The following ZBTB38 variants were observed in gnomAD, a reference collection of about 807,000 sequenced individuals.
ZBTB38 encodes zinc finger and BTB domain-containing protein 38.
ZBTB38 carries 20 observed loss-of-function variants against 76.8 expected under a neutral mutation model. The ratio of observed to expected loss-of-function variants is 0.26; its 90% CI spans 0.18 to 0.38. ZBTB38 has a LOEUF of 0.38. Among genes scored for constraint, ZBTB38 ranks in the 10% least tolerant of loss-of-function variants. The pLI, the probability that ZBTB38 is intolerant of heterozygous loss-of-function variation, is 1.00. For missense variants in ZBTB38, 1,082 were observed against 1,482.3 expected, an observed-to-expected ratio of 0.73 and a Z score of 4.43; for synonymous variants, 504 against 544.2, an observed-to-expected ratio of 0.93 and a Z score of 1.03.
At chr3:141,375,972 C>A (rs1371424653) in intron 2 of ZBTB38, among the ~76,000 whole-genome samples, 2 of 152,140 alleles carry the variant, frequency 1.3e-5, no homozygotes, top group African/African-American at 4.8e-5. Context: ...ATTTAGGAAA[C>A]AATGGAAAAA....
intron 1 of ZBTB38, among the ~76,000 whole-genome samples, chr3:141,360,980 A>G (rs1943806702): frequency 6.6e-6 from 1 of 152,320 alleles, no homozygotes; most frequent in South Asian, 2.1e-4. Flanking sequence ...GACTCCGTCA[A>G]TGTCAAATCT....
chr3:141,396,923 T>C (rs1490257949), intron 4 of ZBTB38, among the ~76,000 whole-genome samples: 1 of 152,190 alleles, frequency 6.6e-6, no homozygotes, highest in Non-Finnish European at 1.5e-5. Flanking sequence ...ACAGGCAGAG[T>C]AGATTCAGCA....
intron 4 of ZBTB38, among the ~76,000 whole-genome samples, chr3:141,391,855 T>A (rs185459051): frequency 6.6e-6 from 1 of 152,262 alleles, no homozygotes; most frequent in East Asian, 1.9e-4. Context: ...TTTTTTCAGG[T>A]TTTGCTAAAA....
chr3:141,372,753 T>A (rs13098180), intron 2 of ZBTB38, among the ~76,000 whole-genome samples: 67,198 of 151,910 alleles, frequency 0.44, 17,324 homozygotes, highest in African/African-American at 0.71. Context: ...TTTCAAAAGC[T>A]GGAGCCAAAT....
intron 4 of ZBTB38, among the ~76,000 whole-genome samples, chr3:141,402,132 T>TG (rs1952233810): frequency 1.3e-5 from 2 of 152,212 alleles, no homozygotes; most frequent in Admixed American, 6.5e-5. Context: ...GCCTCCTTGG[T>TG]GGGGGGCCCC....
At chr3:141,399,872 AG>A (rs1289092530) in intron 4 of ZBTB38, among the ~76,000 whole-genome samples, 1 of 152,078 alleles carries the variant, frequency 6.6e-6, no homozygotes, top group African/African-American at 2.4e-5. Context: ...TGAATGAGGT[AG>A]GAAAGCCTTC....
chr3:141,347,939 T>C (rs529528232), intron 1 of ZBTB38, among the ~76,000 whole-genome samples: 5 of 152,372 alleles, frequency 3.3e-5, no homozygotes, highest in East Asian at 3.9e-4. Context: ...TATAAATACA[T>C]GTAATGGTTT....
rs1219687833 is a variant in ZBTB38 at position 141,446,718 on chromosome 3, G to A, written c.*742G>A. 1.3e-5 allele frequency: 2 copies of A among 152,662 alleles called. No individual in the cohort carries two copies. Among genetic ancestry groups the A allele is most frequent in the Non-Finnish European group, 2.9e-5 (2 of 68,048 alleles). 9.5% of individuals were successfully genotyped at this position (152,662 alleles called of 1,614,324 possible). A position where few individuals can be genotyped will look rare whatever the true frequency, so the allele number is the denominator to read the frequency against. ...TTTTGAATATGATTTAAGAGCATGT[G>A]AATGCTTTTAGATGGAATGCTGTTC... On this transcript the variant is annotated 3_prime_UTR_variant, in exon 6 of 6. Transcript: ENST00000321464.
chr3:141,366,866 G>A (rs1023564536), upstream of ZBTB38: 3 of 152,204 alleles, frequency 2.0e-5, no homozygotes, highest in Non-Finnish European at 2.9e-5. Context: ...ACCACAGAGG[G>A]AGAAGCTACC....
At chr3:141,358,370 A>G (rs573390633) in intron 1 of ZBTB38, among the ~76,000 whole-genome samples, 1 of 152,310 alleles carries the variant, frequency 6.6e-6, no homozygotes, top group East Asian at 1.9e-4. Context: ...GTGTGTCTGG[A>G]AGCCTTGCGA....
In ZBTB38 at chr3:141,448,099, A is replaced by G. The variant is rs1466937230; in HGVS notation, c.*2123A>G. On this transcript the variant is annotated 3_prime_UTR_variant, in exon 6 of 6. Coordinates refer to ENST00000321464, the MANE Select transcript of ZBTB38 (RefSeq NM_001376113.1). ...CTAATTTGTTTTATCAGTTAATAATATTAATCAAAGACATTTACTGTATAT... is the reference window on the plus strand; with the variant it reads ...CTAATTTGTTTTATCAGTTAATAATGTTAATCAAAGACATTTACTGTATAT... The G allele has an allele frequency of 6.6e-6, 1 of 152,660 alleles. No individual in the cohort carries two copies. The highest frequency in any genetic ancestry group is 1.5e-5 in the Non-Finnish European group (1 of 68,024). 9.5% of individuals were successfully genotyped at this position (152,660 alleles called of 1,614,324 possible). A position where few individuals can be genotyped will look rare whatever the true frequency, so the allele number is the denominator to read the frequency against.
At chr3:141,334,405 T>TTTCCTTCCTTCCTTCCTTCCTTCC in intron 1 of ZBTB38, among the ~76,000 whole-genome samples, 1 of 130,248 alleles carries the variant, frequency 7.7e-6, no homozygotes, top group Admixed American at 7.4e-5. Flanking sequence ...TCCTTCCTTC[T>TTTCCTTCCTTCCTTCCTTCCTTCC]TTCCTTCCTT....
intron 5 of ZBTB38, among the ~76,000 whole-genome samples, chr3:141,421,100 A>C (rs1292647639): frequency 6.6e-6 from 1 of 151,996 alleles, no homozygotes; most frequent in Non-Finnish European, 1.5e-5. Context: ...CTGAGTGCTC[A>C]TATACTCTCA....
upstream of ZBTB38, among the ~76,000 whole-genome samples, chr3:141,364,158 G>T (rs1482986791): frequency 6.6e-6 from 1 of 151,770 alleles, no homozygotes; most frequent in East Asian, 1.9e-4. Flanking sequence ...CGAGTGTGGT[G>T]GCTCACGCCT....
chr3:141,401,154 GCT>G (rs759559777), intron 4 of ZBTB38, among the ~76,000 whole-genome samples: 76 of 152,180 alleles, frequency 5.0e-4, no homozygotes, highest in Non-Finnish European at 1.0e-3. Context: ...TTTTGAGAAA[GCT>G]CTGATTGGTA....
chr3:141,333,979 C>G (rs1942931476), intron 1 of ZBTB38, among the ~76,000 whole-genome samples: 1 of 152,064 alleles, frequency 6.6e-6, no homozygotes, highest in African/African-American at 2.4e-5. Context: ...TTGCCTCTTA[C>G]ATAAAAGGTA....
At chr3:141,433,393 C>T (rs1288662012) in intron 5 of ZBTB38, among the ~76,000 whole-genome samples, 3 of 151,826 alleles carry the variant, frequency 2.0e-5, no homozygotes, top group East Asian at 3.9e-4. Context: ...CTCCCTTACA[C>T]TCTTACAGTC....
intron 1 of ZBTB38, among the ~76,000 whole-genome samples, chr3:141,346,225 C>T (rs534243881): frequency 4.6e-5 from 7 of 152,280 alleles, no homozygotes; most frequent in African/African-American, 1.4e-4. Flanking sequence ...CCAGGTGTCA[C>T]CCCAGACAGT....
chr3:141,429,984 A>G (rs955678748), intron 5 of ZBTB38, among the ~76,000 whole-genome samples: 6 of 152,120 alleles, frequency 3.9e-5, no homozygotes, highest in African/African-American at 1.4e-4. Flanking sequence ...TTATCCTAAG[A>G]TCAGGGGAAG....
Sources: allele counts gnomAD v4.1 joint callset (sites outside exome capture counted in the v4.1 genomes callset), GRCh38; gene constraint gnomAD v4.1.1; transcripts MANE v1.5; gene names NCBI Gene and HGNC (gene_info 2026-07-23, HGNC 2026-07-21).